Variants in NCKAP1 observed in about 807,000 individuals in gnomAD.
NCKAP1 encodes the protein nck-associated protein 1.
In NCKAP1, 21 loss-of-function variants were observed where a neutral mutation model predicts 151.2. That is an observed-to-expected ratio of 0.14 (90% CI 0.10 to 0.20). NCKAP1 has a LOEUF of 0.20. NCKAP1 is among the 10% of genes least tolerant of loss of function. The pLI is 1.00. For missense variants in NCKAP1, 933 were observed against 1,352.1 expected, an observed-to-expected ratio of 0.69 and a Z score of 4.86; for synonymous variants, 484 against 451.8, an observed-to-expected ratio of 1.07 and a Z score of -0.90.
chr2:182,965,323 A>AT (rs201076450), intron 16 of NCKAP1, among the ~76,000 whole-genome samples: 10,204 of 146,022 alleles, frequency 0.07, 1,047 homozygotes, highest in African/African-American at 0.23. Flanking sequence ...CATCAATTTT[A>AT]TTTTTTTTTT....
At position 182,957,449 on chromosome 2, in the gene NCKAP1, A is replaced by C; in HGVS notation, c.2021+8T>G. On this transcript the variant is annotated splice_region_variant and intron_variant, in intron 19 of 30. Transcript: ENST00000361354. ...GAGCAAAAAGGTATAATATAAGTGG[A>C]TACTTACTTGGTCACAACCAGCCTG... The C allele has an allele frequency of 6.2e-7, 1 of 1,609,036 alleles. No homozygotes were observed. Among genetic ancestry groups the C allele is most frequent in the Non-Finnish European group, 8.5e-7 (1 of 1,178,750 alleles).
chr2:182,961,627 T>G (rs1218085574), intron 18 of NCKAP1, among the ~76,000 whole-genome samples: 1 of 152,024 alleles, frequency 6.6e-6, no homozygotes, highest in Non-Finnish European at 1.5e-5. Flanking sequence ...ATACCTAATG[T>G]TAAATGACGA....
At chr2:182,978,758 G>A in intron 14 of NCKAP1, 76 bp downstream of exon 14, 1 of 833,054 alleles carries the variant, frequency 1.2e-6, no homozygotes, top group Non-Finnish European at 1.8e-6. Context: ...AAATTAATTG[G>A]TAAATTATCT....
intron 15 of NCKAP1, among the ~76,000 whole-genome samples, chr2:182,973,523 C>A (rs1459360458): frequency 6.6e-6 from 1 of 151,870 alleles, no homozygotes; most frequent in East Asian, 1.9e-4. Context: ...TGAAAGTGAC[C>A]TATAAAAAAG....
At position 182,910,072 on chromosome 2, in the gene NCKAP1, G is replaced by C. The variant is rs1696363012; in HGVS notation, c.*15630C>G. 1 of 152,256 alleles carries C rather than the reference G, an allele frequency of 6.6e-6. No homozygotes were observed. Among genetic ancestry groups the C allele is most frequent in the Non-Finnish European group, 1.5e-5 (1 of 68,066 alleles). The allele number at this position is 152,256 out of a possible 1,614,324, so 9.4% of individuals were successfully genotyped here. ...AACCGCTGAGCCCTAGAGTTAAGGA[G>C]AAACAGTGGTTTCTGCAAAGCTGTG... On this transcript the variant is annotated 3_prime_UTR_variant, in exon 31 of 31. Coordinates refer to ENST00000361354, the MANE Select transcript of NCKAP1 (RefSeq NM_013436.5).
At chr2:183,020,668 A>G (rs1698781317) in intron 2 of NCKAP1, among the ~76,000 whole-genome samples, 1 of 152,072 alleles carries the variant, frequency 6.6e-6, no homozygotes, top group Non-Finnish European at 1.5e-5. Context: ...CCAAAGCACA[A>G]GAATAAGAAA....
intron 14 of NCKAP1, among the ~76,000 whole-genome samples, chr2:182,977,877 A>G (rs1336971802): frequency 1.3e-5 from 2 of 152,256 alleles, no homozygotes; most frequent in African/African-American, 4.8e-5. Context: ...ACAATTAAAA[A>G]ATAAAAACAT....
intron 20 of NCKAP1, among the ~76,000 whole-genome samples, 189 bp from the exon 21 acceptor site, chr2:182,953,520 G>A (rs1190686090): frequency 3.9e-5 from 6 of 152,128 alleles, no homozygotes; most frequent in South Asian, 2.1e-4. Context: ...AATGAAGGCC[G>A]GGCATGGTGG....
At chr2:182,987,190 T>C (rs908284427) in intron 9 of NCKAP1, among the ~76,000 whole-genome samples, 1 of 152,036 alleles carries the variant, frequency 6.6e-6, no homozygotes, top group African/African-American at 2.4e-5. Flanking sequence ...TGCAGTGAGC[T>C]GAGATCACAC....
At chr2:182,996,544 G>A (rs1332842934) in intron 6 of NCKAP1, among the ~76,000 whole-genome samples, 2 of 151,988 alleles carry the variant, frequency 1.3e-5, no homozygotes, top group East Asian at 1.9e-4. Flanking sequence ...TGCAAGCTCC[G>A]CCTCCCAGGT....
At chr2:182,998,850 AAAAAAAAG>A (rs1698324195) in intron 6 of NCKAP1, among the ~76,000 whole-genome samples, 1 of 147,492 alleles carries the variant, frequency 6.8e-6, no homozygotes, top group African/African-American at 2.5e-5. Context: ...AAAAAAAAAA[AAAAAAAAG>A]GGGGGAAGGA....
At chr2:182,963,813 A>T (rs1305156733) in intron 17 of NCKAP1, among the ~76,000 whole-genome samples, 1 of 152,086 alleles carries the variant, frequency 6.6e-6, no homozygotes, top group Non-Finnish European at 1.5e-5. Flanking sequence ...AATCTATTAA[A>T]ATTCGTGGTA....
chr2:182,977,679 T>C (rs953970926), intron 14 of NCKAP1, among the ~76,000 whole-genome samples: 12 of 151,950 alleles, frequency 7.9e-5, no homozygotes, highest in African/African-American at 2.2e-4. Context: ...AAACAGAAAG[T>C]TGAATGGAGG....
intron 1 of NCKAP1, among the ~76,000 whole-genome samples, chr2:183,036,442 G>C (rs542730669): frequency 1.3e-5 from 2 of 152,268 alleles, no homozygotes; most frequent in Non-Finnish European, 2.9e-5. Flanking sequence ...CAATTTCCAA[G>C]TTTTTTAAGC....
At chr2:182,969,662 A>G (rs1697646048) in intron 15 of NCKAP1, among the ~76,000 whole-genome samples, 2 of 152,256 alleles carry the variant, frequency 1.3e-5, no homozygotes, top group South Asian at 4.1e-4. Context: ...GTAAGAGGAA[A>G]GTTTATAGCA....
At chr2:182,986,699 G>A (rs1698063965) in intron 9 of NCKAP1, among the ~76,000 whole-genome samples, 1 of 151,992 alleles carries the variant, frequency 6.6e-6, no homozygotes, top group Non-Finnish European at 1.5e-5. Context: ...GTTTTGTGAA[G>A]GAGAAAACTG....
Position 182,994,855 on chromosome 2 carries a change from C to A in NCKAP1, c.774G>T (p.Met258Ile), listed in dbSNP as rs1340129765. 1 of 1,606,238 alleles carries A rather than the reference C, an allele frequency of 6.2e-7. No individual in the cohort carries two copies. The highest frequency in any genetic ancestry group is 8.5e-7 in the Non-Finnish European group (1 of 1,173,142). ...MPCEYLSLDA[M>I]EKWIIFGFIL... The stretch of plus-strand genomic sequence containing the variant: ...TTTACTTACAGATAATCCACTTTTC[C>A]ATTGCATCCAAAGAGAGGTATTCAC... The change falls in exon 8 of 31, where the codon ATG becomes ATT. Residue 258 changes from methionine (M) to isoleucine (I), a missense_variant. By Grantham distance (10) the Met-to-Ile change is conservative. This residue lies in a region of NCKAP1 where 607 missense variants were observed against 795.0 expected (regional missense o/e 0.76). Transcript: ENST00000361354.
At chr2:182,956,744 G>T in intron 19 of NCKAP1, 151 bp from the exon 20 acceptor site, 1 of 722,932 alleles carries the variant, frequency 1.4e-6, no homozygotes, top group Non-Finnish European at 2.1e-6. Context: ...AAATCTTTAA[G>T]GTTATAACTA....
rs1009981025 is a variant in NCKAP1 at position 182,987,252 on chromosome 2, TA to T, written c.948-1026del. ...GCGAAACTCTTGTCTCAAAAACAAA[TA>T]AAAAAAAAAGTAAATAAATAAAAAT... is the stretch of plus-strand genomic sequence containing the variant. On this transcript the variant is annotated intron_variant, in intron 9 of 30. Coordinates refer to ENST00000361354, the MANE Select transcript of NCKAP1 (RefSeq NM_013436.5). Among the ~76,000 whole-genome samples the T allele has an allele frequency of 3.4e-4, 50 of 146,340 alleles. 1 individual carries two copies. The highest frequency in any genetic ancestry group is 1.0e-3 in the African/African-American group (41 of 39,934).
Sources: gnomAD v4.1 joint callset for allele counts (sites outside exome capture counted in the v4.1 genomes callset) on GRCh38, gnomAD v4.1.1 for gene constraint, gnomAD v4.1.1 regional missense constraint, MANE v1.5 for transcripts, NCBI Gene and HGNC (gene_info 2026-07-23, HGNC 2026-07-21) for gene names.